UBASH3B: variants seen among roughly 807,000 people sequenced by gnomAD.
UBASH3B encodes the protein ubiquitin-associated and SH3 domain-containing protein B.
UBASH3B carries 37 observed loss-of-function variants against 83.4 expected under a neutral mutation model. The observed-to-expected ratio is 0.44, with a 90% CI of 0.34 to 0.58. The LOEUF is 0.58. Ranked by LOEUF, UBASH3B falls within the 20% of genes least tolerant of loss-of-function variation. UBASH3B has a pLI of 0.01. For missense variants in UBASH3B, 657 were observed against 827.2 expected (o/e 0.79, Z 2.52); for synonymous variants, 304 against 318.3 (o/e 0.96, Z 0.48).
intron 1 of UBASH3B, among the ~76,000 whole-genome samples, chr11:122,674,337 T>C (rs543595816): frequency 1.8e-4 from 27 of 152,168 alleles, no homozygotes; most frequent in South Asian, 4.2e-4. Flanking sequence ...TCATCTCTTA[T>C]GTGCCAATCA....
chr11:122,778,019 C>G (rs1860772724), intron 3 of UBASH3B, among the ~76,000 whole-genome samples: 1 of 152,028 alleles, frequency 6.6e-6, no homozygotes, highest in Non-Finnish European at 1.5e-5. Context: ...CATGAGCCAC[C>G]ATGCCTGGCC....
At chr11:122,687,015 G>T (rs1287129456) in intron 1 of UBASH3B, among the ~76,000 whole-genome samples, 7 of 152,090 alleles carry the variant, frequency 4.6e-5, no homozygotes, top group African/African-American at 1.7e-4. Context: ...TTACAGATGT[G>T]CACCACCACG....
At chr11:122,711,308 A>G (rs1864188277) in intron 1 of UBASH3B, among the ~76,000 whole-genome samples, 1 of 152,238 alleles carries the variant, frequency 6.6e-6, no homozygotes, top group Non-Finnish European at 1.5e-5. Flanking sequence ...GCTTAGGGAA[A>G]GAGAGGAGAG....
chr11:122,702,936 C>G (rs12797830), intron 1 of UBASH3B, among the ~76,000 whole-genome samples: 1 of 151,978 alleles, frequency 6.6e-6, no homozygotes, highest in Admixed American at 6.6e-5. Flanking sequence ...AATCCTGATT[C>G]TGCATTCACT....
rs993782449 is a variant in UBASH3B, at chr11:122,758,489, G to A, written c.162-17730G>A. Among the ~76,000 whole-genome samples the A allele has an allele frequency of 2.0e-5, 3 of 152,166 alleles. No homozygotes were observed. The highest frequency in any genetic ancestry group is 4.4e-5 in the Non-Finnish European group (3 of 68,038). Reference sequence around the variant, plus strand: ...AGACAGGCCTAGCCTGCTTAGAGTCGGGACAGCTGGAAAGGGCAGTCAGTG... The same window carrying A: ...AGACAGGCCTAGCCTGCTTAGAGTCAGGACAGCTGGAAAGGGCAGTCAGTG... On this transcript the variant is annotated intron_variant, in intron 1 of 13. Transcript: ENST00000284273. This position sits in a 1 kb window ranked among gnomAD's most constrained non-coding sequence, Gnocchi z 4.2.
chr11:122,750,436 TACA>T (rs1189719845), intron 1 of UBASH3B, among the ~76,000 whole-genome samples: 2 of 152,232 alleles, frequency 1.3e-5, no homozygotes, highest in African/African-American at 2.4e-5. Flanking sequence ...CCCCCAAAGC[TACA>T]ACAACTTCAC....
At chr11:122,712,289 A>G (rs1419078401) in intron 1 of UBASH3B, among the ~76,000 whole-genome samples, 1 of 152,164 alleles carries the variant, frequency 6.6e-6, no homozygotes, top group African/African-American at 2.4e-5. Context: ...CCAGATGGCC[A>G]TATTGTCCTC....
At chr11:122,790,217 T>C (rs769200372) in intron 6 of UBASH3B, among the ~76,000 whole-genome samples, 4 of 152,152 alleles carry the variant, frequency 2.6e-5, no homozygotes, top group Non-Finnish European at 4.4e-5. Flanking sequence ...TTTCATCAAG[T>C]CTTTTGCCTG....
At chr11:122,781,568 G>A (rs547413484) in intron 4 of UBASH3B, among the ~76,000 whole-genome samples, 1 of 152,198 alleles carries the variant, frequency 6.6e-6, no homozygotes, top group African/African-American at 2.4e-5. Flanking sequence ...GAACTTGGCC[G>A]GCTTCGTTTC....
rs116267575 is a variant in UBASH3B, at chr11:122,798,867, C to T, written c.1358-75C>T. 1,367 of 1,217,344 alleles carry T rather than the reference C, an allele frequency of 1.1e-3. 8 individuals are homozygous for T. The African/African-American group carries it at 0.018, about 16-fold the overall frequency. 75.4% of individuals were successfully genotyped at this position (1,217,344 alleles called of 1,614,324 possible). On this transcript the variant is annotated intron_variant, in intron 9 of 13. Coordinates refer to ENST00000284273, the MANE Select transcript of UBASH3B (RefSeq NM_032873.5). ...GGGTTTACAGGAGCTTACTGCTTGG[C>T]CCCCTCTCACACTGCGGGTCAAGGT...
intron 1 of UBASH3B, among the ~76,000 whole-genome samples, chr11:122,768,175 G>T (rs1436069314): frequency 6.6e-6 from 1 of 152,114 alleles, no homozygotes; most frequent in Non-Finnish European, 1.5e-5. Context: ...CAGTCCTGTT[G>T]CCACATTGCT....
intron 1 of UBASH3B, among the ~76,000 whole-genome samples, chr11:122,744,511 A>G (rs116200252): frequency 0.013 from 1,934 of 151,924 alleles, 39 homozygotes; most frequent in African/African-American, 0.044. Context: ...ATGTGTGCCT[A>G]TCTATGAGCT....
At chr11:122,762,650 A>G (rs1156526563) in intron 1 of UBASH3B, among the ~76,000 whole-genome samples, 2 of 152,194 alleles carry the variant, frequency 1.3e-5, no homozygotes, top group African/African-American at 2.4e-5. Context: ...GCTCTTCAGT[A>G]GACTCCTGCC....
intron 1 of UBASH3B, among the ~76,000 whole-genome samples, chr11:122,770,724 C>T (rs1451399869): frequency 6.9e-6 from 1 of 145,510 alleles, no homozygotes; most frequent in Non-Finnish European, 1.5e-5. Context: ...TGTTTCTACT[C>T]CTGCATTTTC....
At chr11:122,706,106 C>CTTTTTTTTTTTTTTTTTTTTTTTTTTTT (rs36055058) in intron 1 of UBASH3B, among the ~76,000 whole-genome samples, 3 of 127,034 alleles carry the variant, frequency 2.4e-5, no homozygotes, top group Non-Finnish European at 3.2e-5. Context: ...TCTTTTCTTT[C>CTTTTTTTTTTTTTTTTTTTTTTTTTTTT]TTTTTTTTTT....
At chr11:122,757,709 C>CTTTTTTTTTTT (rs781180822) in intron 1 of UBASH3B, among the ~76,000 whole-genome samples, 2 of 92,114 alleles carry the variant, frequency 2.2e-5, no homozygotes, top group East Asian at 3.2e-4. Context: ...CTTCTTTTCC[C>CTTTTTTTTTTT]TTTTTTTTTT....
intron 1 of UBASH3B, among the ~76,000 whole-genome samples, chr11:122,729,253 G>C (rs1860798035): frequency 6.6e-6 from 1 of 152,154 alleles, no homozygotes; most frequent in Admixed American, 6.5e-5. Flanking sequence ...CCAGAGGCCA[G>C]AAAGCCCAGA....
chr11:122,717,307 C>T (rs527672510), intron 1 of UBASH3B, among the ~76,000 whole-genome samples: 19 of 152,336 alleles, frequency 1.2e-4, no homozygotes, highest in African/African-American at 3.4e-4. Flanking sequence ...TAACCGATAG[C>T]GGAAGGGCCA....
rs751028275 is a variant in UBASH3B at position 122,801,206 on chromosome 11, A to G, written c.1469A>G (p.His490Arg). ...NILKGLQQEN[H>R]LKIRVEPGLF... is the part of the protein sequence containing the mutation. ...CCCTAAGGTTTACAACAAGAAAATC[A>G]CTTGAAGATCCGTGTAGAGCCCGGC... The change falls in exon 11 of 14, where the codon CAC becomes CGC. Residue 490 changes from histidine (H) to arginine (R), a missense_variant. By Grantham distance (29) the His-to-Arg change is conservative. Transcript: ENST00000284273. The G allele has an allele frequency of 2.5e-6, 4 of 1,614,068 alleles. No individual in the cohort carries two copies. Among genetic ancestry groups the G allele is most frequent in the African/African-American group, 1.3e-5 (1 of 74,934 alleles).
Sources: gnomAD v4.1 joint callset for allele counts (sites outside exome capture counted in the v4.1 genomes callset) on GRCh38, gnomAD v4.1.1 for gene constraint, Gnocchi (gnomAD v3.1) non-coding constraint, MANE v1.5 for transcripts, NCBI Gene and HGNC (gene_info 2026-07-23, HGNC 2026-07-21) for gene names.